The following DCC variants were observed in gnomAD, a reference collection of about 807,000 sequenced individuals.
DCC encodes netrin receptor DCC.
Under a neutral mutation model 172.5 loss-of-function variants are expected in DCC, and 58 were observed. That is an observed-to-expected ratio of 0.34 (90% CI 0.27 to 0.42). The LOEUF (loss-of-function observed/expected upper bound fraction) is 0.42. Ranked by LOEUF, DCC falls within the 10% of genes least tolerant of loss-of-function variation. DCC has a pLI of 1.00. For missense variants in DCC, 1,740 were observed against 1,791.0 expected (o/e 0.97, Z 0.51); for synonymous variants, 709 against 644.5 (o/e 1.10, Z -1.52).
At chr18:53,040,882 T>A (rs1282107800) in intron 5 of DCC, among the ~76,000 whole-genome samples, 1 of 151,746 alleles carries the variant, frequency 6.6e-6, no homozygotes, top group South Asian at 2.1e-4. Context: ...GTCATCCATG[T>A]AGAGATAAAA....
chr18:53,190,212 C>T (rs540201349), intron 9 of DCC, among the ~76,000 whole-genome samples: 6 of 152,232 alleles, frequency 3.9e-5, no homozygotes, highest in African/African-American at 1.2e-4. Flanking sequence ...AGGCATGAGC[C>T]GACATGTCTG....
chr18:52,758,360 C>A (rs2037108918), intron 2 of DCC, among the ~76,000 whole-genome samples: 1 of 152,100 alleles, frequency 6.6e-6, no homozygotes, highest in South Asian at 2.1e-4. Flanking sequence ...AAAAGGCCAA[C>A]TAAATTGCAT....
chr18:53,181,425 T>C (rs2144487372), intron 9 of DCC, among the ~76,000 whole-genome samples: 1 of 151,714 alleles, frequency 6.6e-6, no homozygotes, highest in African/African-American at 2.4e-5. Context: ...TTTTTTTTTT[T>C]TTAACACCAA....
intron 27 of DCC, among the ~76,000 whole-genome samples, chr18:53,521,004 C>T (rs962089685): frequency 3.3e-5 from 5 of 152,038 alleles, no homozygotes; most frequent in African/African-American, 7.2e-5. Flanking sequence ...ATTAATTCTA[C>T]CTTCCTCTCC....
At chr18:52,401,113 T>C (rs1986422734) in intron 1 of DCC, among the ~76,000 whole-genome samples, 1 of 151,558 alleles carries the variant, frequency 6.6e-6, no homozygotes, top group Non-Finnish European at 1.5e-5. Context: ...TAATGATAAA[T>C]AATAATAATA....
At chr18:52,386,435 T>TAA (rs1985802732) in intron 1 of DCC, among the ~76,000 whole-genome samples, 1 of 152,112 alleles carries the variant, frequency 6.6e-6, no homozygotes, top group African/African-American at 2.4e-5. Context: ...TTTCAATCAG[T>TAA]AAATGATGTT....
chr18:53,104,449 T>C (rs1392054406), intron 7 of DCC, among the ~76,000 whole-genome samples: 3 of 152,046 alleles, frequency 2.0e-5, no homozygotes, highest in East Asian at 1.9e-4. Flanking sequence ...CCATGTAAGA[T>C]GTGACTTGCT....
intron 5 of DCC, among the ~76,000 whole-genome samples, chr18:53,004,548 A>G (rs577426140): frequency 6.6e-6 from 1 of 152,226 alleles, no homozygotes; most frequent in Non-Finnish European, 1.5e-5. Flanking sequence ...GCAAGAATAT[A>G]CAGAATCAGA....
chr18:52,371,776 G>C (rs992190645), intron 1 of DCC, among the ~76,000 whole-genome samples: 35 of 152,178 alleles, frequency 2.3e-4, no homozygotes, highest in Non-Finnish European at 5.1e-4. Flanking sequence ...TTTCCTCATA[G>C]CATTATATTT....
At chr18:53,309,776 A>G (rs2057242674) in intron 13 of DCC, among the ~76,000 whole-genome samples, 1 of 152,048 alleles carries the variant, frequency 6.6e-6, no homozygotes, top group Admixed American at 6.6e-5. Flanking sequence ...GAGCTGTAAG[A>G]ATTTGGATCC....
intron 1 of DCC, among the ~76,000 whole-genome samples, chr18:52,398,711 T>G (rs1399570303): frequency 6.6e-6 from 1 of 152,014 alleles, no homozygotes; most frequent in African/African-American, 2.4e-5. Context: ...TCACTCACAG[T>G]AGCACATGAG....
At chr18:52,946,216 C>T (rs1213596599) in intron 5 of DCC, among the ~76,000 whole-genome samples, 6 of 152,192 alleles carry the variant, frequency 3.9e-5, no homozygotes, top group African/African-American at 1.4e-4. Context: ...TCTTTGTTTA[C>T]AGCCTTTTCC....
chr18:53,301,451 CAAA>C (rs1384970467), intron 12 of DCC, among the ~76,000 whole-genome samples: 2 of 151,824 alleles, frequency 1.3e-5, no homozygotes, highest in South Asian at 4.2e-4. Flanking sequence ...AAAAAACAAA[CAAA>C]AAACCTCTGT....
intron 2 of DCC, chr18:52,816,497 T>C (rs2038299198): frequency 6.6e-6 from 1 of 152,176 alleles, no homozygotes; most frequent in South Asian, 2.1e-4. Flanking sequence ...TCAGATCCTA[T>C]CTATAACTTA....
chr18:53,367,966 A>G (rs2058023791), intron 15 of DCC, among the ~76,000 whole-genome samples: 1 of 152,160 alleles, frequency 6.6e-6, no homozygotes, highest in Non-Finnish European at 1.5e-5. Context: ...GCTAGATCAT[A>G]TGGTAATTCT....
intron 27 of DCC, among the ~76,000 whole-genome samples, chr18:53,503,932 A>G (rs1302873904): frequency 1.3e-5 from 2 of 152,242 alleles, no homozygotes; most frequent in Non-Finnish European, 2.9e-5. Context: ...CAAGGGATCA[A>G]TATGTCAGTG....
chr18:53,065,995 C>G (rs2042560219), intron 6 of DCC, 51 bp from the exon 7 acceptor site: 2 of 1,608,248 alleles, frequency 1.2e-6, no homozygotes, highest in African/African-American at 2.7e-5. Flanking sequence ...ATTTTGTCAC[C>G]TTGCATTTTT....
At chr18:52,406,300 A>T (rs1351678742) in intron 1 of DCC, among the ~76,000 whole-genome samples, 1 of 149,122 alleles carries the variant, frequency 6.7e-6, no homozygotes, top group Non-Finnish European at 1.5e-5. Context: ...AGCAATGGCA[A>T]CAAAAGCCAA....
intron 2 of DCC, among the ~76,000 whole-genome samples, chr18:52,857,693 G>A (rs893460680): frequency 3.9e-5 from 6 of 151,952 alleles, no homozygotes; most frequent in Admixed American, 3.9e-4. Context: ...TTCTCTGGTG[G>A]TTGTTTTTAT....
Sources: allele counts gnomAD v4.1 joint callset (sites outside exome capture counted in the v4.1 genomes callset), GRCh38; gene constraint gnomAD v4.1.1; transcripts MANE v1.5; gene names NCBI Gene and HGNC (gene_info 2026-07-23, HGNC 2026-07-21).